FAP: variants seen among roughly 807,000 people sequenced by gnomAD.
The protein encoded by FAP is fibroblast activation protein alpha.
FAP carries 110 observed loss-of-function variants against 126.5 expected under a neutral mutation model. The observed-to-expected ratio is 0.87, with a 90% CI of 0.74 to 1.02. The LOEUF (loss-of-function observed/expected upper bound fraction) is 1.02. FAP is among the 50% of genes least tolerant of loss of function. FAP has a pLI of 0.00. For synonymous variants in FAP, 334 were observed against 297.3 expected (o/e 1.12, Z -1.27); for missense variants, 919 against 909.2 (o/e 1.01, Z -0.14).
At chr2:162,203,224 G>T (rs769571401) in intron 12 of FAP, 79 bp from the exon 13 acceptor site, 3 of 815,716 alleles carry the variant, frequency 3.7e-6, no homozygotes, top group Admixed American at 2.3e-5. Flanking sequence ...ATATAAAAGC[G>T]ACGTATGGTC....
chr2:162,175,182 G>A, intron 21 of FAP: 1 of 455,088 alleles, frequency 2.2e-6, no homozygotes, highest in Non-Finnish European at 4.0e-6. Flanking sequence ...AATACTTGGT[G>A]TGCTGATCAG....
At chr2:162,200,098 G>A (rs1016600843) in intron 15 of FAP, among the ~76,000 whole-genome samples, 14 of 152,146 alleles carry the variant, frequency 9.2e-5, no homozygotes, top group East Asian at 1.9e-4. Context: ...AAGGGCTGTC[G>A]AGGGCACCAT....
In FAP at chr2:162,218,077, G is replaced by A. The variant is rs202024522; in HGVS notation, c.671C>T (p.Ala224Val). 74 of 1,607,032 alleles carry A rather than the reference G, an allele frequency of 4.6e-5. No individual in the cohort carries two copies. The Admixed American group carries it at 7.4e-4, about 16-fold the overall frequency. ...WSPNGKFLAY[A>V]EFNDTDIPVI... ...TGGTATATCCGTATCATTAAATTCC[G>A]CATATGCCAAAAATTTTCCATTAGG... Residue 224 changes from alanine (A) to valine (V), a missense_variant, in exon 9 of 26, where the codon GCG (alanine) becomes GTG (valine). Physicochemically the swap from Ala to Val is moderately conservative, Grantham distance 64. Transcript: ENST00000188790.
chr2:162,183,766 A>G (rs575260807), intron 20 of FAP, among the ~76,000 whole-genome samples: 36 of 152,248 alleles, frequency 2.4e-4, no homozygotes, highest in African/African-American at 4.8e-4. Flanking sequence ...AGGCCAAAAG[A>G]TGGGTTCATA....
chr2:162,173,082 A>T, intron 24 of FAP, 67 bp downstream of exon 24: 1 of 1,434,268 alleles, frequency 7.0e-7, no homozygotes, highest in Non-Finnish European at 9.8e-7. Flanking sequence ...GAGGATGCTT[A>T]ATGTTTCTTA....
At chr2:162,223,931 A>C (rs1157856563) in intron 5 of FAP, among the ~76,000 whole-genome samples, 1 of 152,026 alleles carries the variant, frequency 6.6e-6, no homozygotes, top group African/African-American at 2.4e-5. Flanking sequence ...AAATTTCCTA[A>C]CATAAAAAGC....
At position 162,203,229 on chromosome 2, in the gene FAP, A is replaced by G. The variant is rs1003238361; in HGVS notation, c.1048-84T>C. ...TTGTTTTAATATATAAAAGCGACGT[A>G]TGGTCATAGTTATAGGAATCAGAAT... On this transcript the variant is annotated intron_variant, in intron 12 of 25. Coordinates refer to ENST00000188790, the MANE Select transcript of FAP (RefSeq NM_004460.5). The G allele has an allele frequency of 6.4e-6, 5 of 777,092 alleles. No homozygotes were observed. In the South Asian group the frequency reaches 8.6e-5, roughly 13 times the overall value. 48.1% of individuals were successfully genotyped at this position (777,092 alleles called of 1,614,324 possible).
Position 162,170,872 on chromosome 2 carries a change from T to A in FAP, c.*107A>T. 1.3e-6 allele frequency: 1 copy of A among 787,494 alleles called. No individual in the cohort carries two copies. The highest frequency in any genetic ancestry group is 2.5e-5 in the East Asian group (1 of 39,250). 48.8% of individuals were successfully genotyped at this position (787,494 alleles called of 1,614,324 possible). A position where few individuals can be genotyped will look rare whatever the true frequency, so the allele number is the denominator to read the frequency against. ...CAGCCTTTAGAACAACATTAATTTGTTTGTTTATACTAGCATTTTACAACA... is the reference window on the plus strand; with the variant it reads ...CAGCCTTTAGAACAACATTAATTTGATTGTTTATACTAGCATTTTACAACA... On this transcript the variant is annotated 3_prime_UTR_variant, in exon 26 of 26. Coordinates refer to ENST00000188790, the MANE Select transcript of FAP (RefSeq NM_004460.5).
chr2:162,227,761 T>C (rs1415920975), intron 2 of FAP, among the ~76,000 whole-genome samples: 1 of 152,124 alleles, frequency 6.6e-6, no homozygotes, highest in Non-Finnish European at 1.5e-5. Context: ...TGCTCCTCTC[T>C]CATTACTTTC....
At chr2:162,180,891 C>T (rs2106219108) in intron 21 of FAP, among the ~76,000 whole-genome samples, 1 of 152,246 alleles carries the variant, frequency 6.6e-6, no homozygotes, top group East Asian at 1.9e-4. Flanking sequence ...AAGTCATCAT[C>T]ATCTTTGACA....
intron 15 of FAP, among the ~76,000 whole-genome samples, chr2:162,199,224 C>G (rs1404392643): frequency 2.0e-5 from 3 of 152,202 alleles, no homozygotes; most frequent in Admixed American, 2.0e-4. Context: ...AGTTCTTCGT[C>G]TTTCTATCTC....
intron 20 of FAP, among the ~76,000 whole-genome samples, chr2:162,183,887 C>T (rs1687776040): frequency 6.6e-6 from 1 of 152,136 alleles, no homozygotes; most frequent in South Asian, 2.1e-4. Flanking sequence ...TTTCTTATCA[C>T]ATTGTTGTTA....
intron 16 of FAP, 111 bp from the exon 17 acceptor site, chr2:162,194,859 T>A: frequency 2.2e-6 from 2 of 900,478 alleles, no homozygotes; most frequent in Non-Finnish European, 3.7e-6. Flanking sequence ...GTACATCTTT[T>A]AATTCTGCAG....
chr2:162,226,372 G>A (rs995945485), intron 3 of FAP, 151 bp downstream of exon 3: 13 of 458,530 alleles, frequency 2.8e-5, no homozygotes, highest in Middle Eastern at 5.9e-4. Context: ...TGTCAAAAGC[G>A]CTTTTTTGAG....
In FAP at chr2:162,172,857, T is replaced by G. The variant is rs374652964; in HGVS notation, c.2135A>C (p.Gln712Pro). 1 of 1,613,042 alleles carries G rather than the reference T, an allele frequency of 6.2e-7. No individual in the cohort carries two copies. Among genetic ancestry groups the G allele is most frequent in the Non-Finnish European group, 8.5e-7 (1 of 1,179,292 alleles). The change falls in exon 25 of 26, where the codon CAG becomes CCG. Residue 712 changes from glutamine to proline, a missense_variant. Coordinates refer to ENST00000188790, the MANE Select transcript of FAP (RefSeq NM_004460.5). ...TGCATTAACCAGAGCTTTAGCAATC[T>G]GTGCTGAGTTTTGAAAGTGCACATT... Reference protein sequence around the residue: ...DDNVHFQNSAQIAKALVNAQV... With the variant: ...DDNVHFQNSAPIAKALVNAQV...
intron 12 of FAP, among the ~76,000 whole-genome samples, chr2:162,205,227 A>T (rs1467489606): frequency 1.3e-5 from 2 of 152,232 alleles, no homozygotes; most frequent in African/African-American, 4.8e-5. Flanking sequence ...TAAAATGAAA[A>T]AATGGAATAA....
chr2:162,171,039 C>G lies in FAP; in HGVS notation c.2223G>C (p.Thr741=), dbSNP rs142594188. Residue 741 remains threonine, a synonymous_variant, in exon 26 of 26, where the codon ACG becomes ACC. Transcript: ENST00000188790. ...DQNHGLSGLS[T]NHLYTHMTHF... Reference sequence around the variant, plus strand: ...GGGTCATGTGGGTGTATAAGTGGTTCGTGGACAGGCCGGATAAGCCGTGGT... The same window carrying G: ...GGGTCATGTGGGTGTATAAGTGGTTGGTGGACAGGCCGGATAAGCCGTGGT... 2 of 1,613,036 alleles carry G rather than the reference C, an allele frequency of 1.2e-6. No individual in the cohort carries two copies. The highest frequency in any genetic ancestry group is 1.7e-6 in the Non-Finnish European group (2 of 1,179,388).
chr2:162,206,706 A>C (rs1377709630), intron 12 of FAP, among the ~76,000 whole-genome samples: 2 of 152,248 alleles, frequency 1.3e-5, no homozygotes, highest in Non-Finnish European at 2.9e-5. Context: ...TGTCCTCTAC[A>C]GAGCAAAACA....
Position 162,243,302 on chromosome 2 carries a change from T to C in FAP, c.6+20A>G, listed in dbSNP as rs566421301. 3 of 1,580,398 alleles carry C rather than the reference T, an allele frequency of 1.9e-6. No individual in the cohort carries two copies. The highest frequency in any genetic ancestry group is 1.4e-5 in the African/African-American group (1 of 74,026). ...GCCAACCCTAATTTTTTAAGAATAC[T>C]TGAGGTTGCTTATACTAACCTTCAT... On this transcript the variant is annotated intron_variant, in intron 1 of 25. Transcript: ENST00000188790.
Sources: gnomAD v4.1 joint callset for allele counts (sites outside exome capture counted in the v4.1 genomes callset) on GRCh38, gnomAD v4.1.1 for gene constraint, MANE v1.5 for transcripts, NCBI Gene and HGNC (gene_info 2026-07-23, HGNC 2026-07-21) for gene names.